Variants in ANGPTL2 observed in about 807,000 individuals in gnomAD.
The protein encoded by ANGPTL2 is angiopoietin-related protein 2.
A neutral mutation model predicts 52.8 loss-of-function variants in ANGPTL2; 25 were observed. The observed-to-expected ratio is 0.47, with a 90% CI of 0.35 to 0.66. ANGPTL2 has a LOEUF of 0.66. ANGPTL2 is among the 30% of genes least tolerant of loss of function. ANGPTL2 has a pLI of 0.01. For synonymous variants in ANGPTL2, 276 were observed against 277.4 expected (o/e 1.00, Z 0.05); for missense variants, 546 against 656.9 (o/e 0.83, Z 1.84).
intron 1 of ANGPTL2, among the ~76,000 whole-genome samples, chr9:127,109,059 C>A (rs1278466320): frequency 6.6e-6 from 1 of 152,166 alleles, no homozygotes; most frequent in Non-Finnish European, 1.5e-5. Context: ...AGCTCCAATG[C>A]CCGCAGCCCC....
At chr9:127,109,406 C>T (rs2054580133) in intron 1 of ANGPTL2, among the ~76,000 whole-genome samples, 1 of 152,204 alleles carries the variant, frequency 6.6e-6, no homozygotes, top group African/African-American at 2.4e-5. Context: ...TTATGGAATA[C>T]ATTCAGGGTT....
intron 2 of ANGPTL2, among the ~76,000 whole-genome samples, chr9:127,101,291 C>T (rs865791023): frequency 2.6e-5 from 4 of 152,242 alleles, no homozygotes; most frequent in Non-Finnish European, 5.9e-5. Flanking sequence ...TCAAGAGGAT[C>T]ACATGACTGG....
chr9:127,102,163 C>CA (rs916310849), intron 2 of ANGPTL2, among the ~76,000 whole-genome samples: 24 of 152,266 alleles, frequency 1.6e-4, no homozygotes, highest in African/African-American at 5.8e-4. Flanking sequence ...GTATATACTT[C>CA]ATTACTTTTA....
chr9:127,121,382 A>G lies in ANGPTL2; in HGVS notation c.-50+933T>C, dbSNP rs922215197. Reference sequence around the variant, plus strand: ...CCCTACTCTGCCTCCATTTGGAAAAATACATGTGGGGAGCATTTGGCCGGC... The same window carrying G: ...CCCTACTCTGCCTCCATTTGGAAAAGTACATGTGGGGAGCATTTGGCCGGC... On this transcript the variant is annotated intron_variant, in intron 1 of 4. Transcript: ENST00000373425. Among the ~76,000 whole-genome samples, 6 of 152,320 alleles carry G rather than the reference A, an allele frequency of 3.9e-5. 1 individual carries two copies. The East Asian group carries it at 1.2e-3, about 29-fold the overall frequency.
chr9:127,098,066 C>T (rs969944253), intron 2 of ANGPTL2, among the ~76,000 whole-genome samples: 1 of 152,208 alleles, frequency 6.6e-6, no homozygotes, highest in South Asian at 2.1e-4. Flanking sequence ...GTTCACCCCC[C>T]CAACTAATTC....
At chr9:127,096,074 A>G (rs946429) in intron 2 of ANGPTL2, among the ~76,000 whole-genome samples, 3,720 of 152,134 alleles carry the variant, frequency 0.024, 56 homozygotes, top group Middle Eastern at 0.051. Context: ...GCAGGACCCA[A>G]TGCTCCCCAC....
chr9:127,118,068 A>AT (rs1282648883), intron 1 of ANGPTL2, among the ~76,000 whole-genome samples: 1 of 151,946 alleles, frequency 6.6e-6, no homozygotes, highest in East Asian at 1.9e-4. Flanking sequence ...TTTATTTTTT[A>AT]TTTTTGAGAT....
intron 2 of ANGPTL2, among the ~76,000 whole-genome samples, chr9:127,103,899 A>G (rs1267089436): frequency 6.6e-6 from 1 of 152,150 alleles, no homozygotes; most frequent in Non-Finnish European, 1.5e-5. Flanking sequence ...GAAGTGTGCA[A>G]TATCCAGAGT....
At chr9:127,115,567 G>T (rs773607868) in intron 1 of ANGPTL2, among the ~76,000 whole-genome samples, 2 of 152,208 alleles carry the variant, frequency 1.3e-5, no homozygotes, top group African/African-American at 2.4e-5. Context: ...AGATCACTTG[G>T]AAGTAAATAT....
intron 1 of ANGPTL2, among the ~76,000 whole-genome samples, chr9:127,121,727 C>T (rs760186958): frequency 1.1e-4 from 16 of 152,228 alleles, no homozygotes; most frequent in South Asian, 2.1e-4. Flanking sequence ...TCCAGTGCAG[C>T]AGCCCCTGGG....
chr9:127,094,073 G>T, intron 2 of ANGPTL2, 147 bp from the exon 3 acceptor site: 1 of 790,020 alleles, frequency 1.3e-6, no homozygotes, highest in Non-Finnish European at 1.9e-6. Flanking sequence ...TTTGTTTTGC[G>T]AGTTTAATAA....
chr9:127,108,096 G>T lies in ANGPTL2; in HGVS notation c.636C>A (p.Pro212=). Reference sequence around the variant, plus strand: ...GGGCAGCGGGGGGTGGCTGGGGGACGGGCCTGGCCGAGGGCACCCTCTGGC... The same window carrying T: ...GGGCAGCGGGGGGTGGCTGGGGGACTGGCCTGGCCGAGGGCACCCTCTGGC... ...EHCQRVPSAR[P]VPQPPPAAPP... Residue 212 remains proline (P), a synonymous_variant, in exon 2 of 5, where the codon CCC becomes CCA. Coordinates refer to ENST00000373425, the MANE Select transcript of ANGPTL2 (RefSeq NM_012098.3). 1 of 1,611,924 alleles carries T rather than the reference G, an allele frequency of 6.2e-7. No homozygotes were observed. Among genetic ancestry groups the T allele is most frequent in the Non-Finnish European group, 8.5e-7 (1 of 1,178,904 alleles).
chr9:127,094,319 G>T (rs975048220), intron 2 of ANGPTL2, among the ~76,000 whole-genome samples: 1 of 152,172 alleles, frequency 6.6e-6, no homozygotes, highest in African/African-American at 2.4e-5. Flanking sequence ...CATTATATTA[G>T]GAAAAAGAGA....
At chr9:127,098,764 T>C (rs1366196599) in intron 2 of ANGPTL2, among the ~76,000 whole-genome samples, 1 of 152,146 alleles carries the variant, frequency 6.6e-6, no homozygotes, top group African/African-American at 2.4e-5. Context: ...GATACAGTGC[T>C]TGCTACTCCC....
intron 1 of ANGPTL2, among the ~76,000 whole-genome samples, chr9:127,118,807 G>A (rs2055728839): frequency 6.6e-6 from 1 of 152,266 alleles, no homozygotes; most frequent in South Asian, 2.1e-4. Flanking sequence ...TAAATGGGCT[G>A]TGATTCAGAG....
At position 127,091,890 on chromosome 9, in the gene ANGPTL2, A is replaced by G. The variant is rs2052523613; in HGVS notation, c.1062T>C (p.Ile354=). 1 of 1,614,142 alleles carries G rather than the reference A, an allele frequency of 6.2e-7. No individual in the cohort carries two copies. The highest frequency in any genetic ancestry group is 8.5e-7 in the Non-Finnish European group (1 of 1,180,028). ...DGEYWLGLEN[I]YWLTNQGNYK... ...AGTTGCCTTGGTTCGTCAGCCAGTAAATGTTCTCCAGGCCCAGCCAGTATT... is the reference window on the plus strand; with the variant it reads ...AGTTGCCTTGGTTCGTCAGCCAGTAGATGTTCTCCAGGCCCAGCCAGTATT... The change falls in exon 4 of 5, where the codon ATT becomes ATC. Residue 354 remains isoleucine (I), a synonymous_variant. Coordinates refer to ENST00000373425, the MANE Select transcript of ANGPTL2 (RefSeq NM_012098.3). The surrounding 1 kb of genome is among the most constrained non-coding windows in gnomAD (Gnocchi z 4.3).
At position 127,108,125 on chromosome 9, in the gene ANGPTL2, G is replaced by A; in HGVS notation, c.607C>T (p.His203Tyr). 1 of 1,613,846 alleles carries A rather than the reference G, an allele frequency of 6.2e-7. No homozygotes were observed. Among genetic ancestry groups the A allele is most frequent in the Non-Finnish European group, 8.5e-7 (1 of 1,179,838 alleles). The stretch of plus-strand genomic sequence containing the variant: ...CTGGCCGAGGGCACCCTCTGGCAGT[G>A]CTCCTCAAGCTGCGCGATGATCTCT... Reference protein sequence around the residue: ...QSEIIAQLEEHCQRVPSARPV... With the variant: ...QSEIIAQLEEYCQRVPSARPV... Residue 203 changes from histidine (H) to tyrosine (Y), a missense_variant, in exon 2 of 5, where the codon CAC (histidine) becomes TAC (tyrosine). Transcript: ENST00000373425.
intron 2 of ANGPTL2, among the ~76,000 whole-genome samples, chr9:127,104,873 A>G (rs2054068285): frequency 6.6e-6 from 1 of 152,200 alleles, no homozygotes; most frequent in Admixed American, 6.5e-5. Context: ...AGAACAAAGG[A>G]TCTGTTGGGT....
chr9:127,106,501 G>T (rs1279318983), intron 2 of ANGPTL2, among the ~76,000 whole-genome samples: 1 of 152,164 alleles, frequency 6.6e-6, no homozygotes, highest in Non-Finnish European at 1.5e-5. Context: ...AAAGTGACAG[G>T]CACTATTTTA....
Sources: allele counts gnomAD v4.1 joint callset (sites outside exome capture counted in the v4.1 genomes callset), GRCh38; gene constraint gnomAD v4.1.1; non-coding constraint Gnocchi (gnomAD v3.1); transcripts MANE v1.5; gene names NCBI Gene and HGNC (gene_info 2026-07-23, HGNC 2026-07-21).